Variants in FAM185A observed in about 807,000 individuals in gnomAD.
FAM185A encodes the protein family with sequence similarity 185 member A.
FAM185A carries 21 observed loss-of-function variants against 45.7 expected under a neutral mutation model. That is an observed-to-expected ratio of 0.46 (90% CI 0.33 to 0.66). The LOEUF (loss-of-function observed/expected upper bound fraction) is 0.66. Among genes scored for constraint, FAM185A ranks in the 30% least tolerant of loss-of-function variants. The probability of loss-of-function intolerance (pLI) is 0.03; values close to 1 mark genes in which losing one functional copy is unlikely to be tolerated. For synonymous variants in FAM185A, 117 were observed against 194.0 expected (o/e 0.60, Z 3.30); for missense variants, 305 against 485.4 (o/e 0.63, Z 3.49).
At chr7:102,802,878 A>G (rs369587590) in intron 7 of FAM185A, among the ~76,000 whole-genome samples, 2 of 152,136 alleles carry the variant, frequency 1.3e-5, no homozygotes, top group African/African-American at 4.8e-5. Context: ...CAGAAATACA[A>G]AAGATCATTC....
At position 102,808,324 on chromosome 7, in the gene FAM185A, G is replaced by A; in HGVS notation, c.1101G>A (p.Trp367Ter). ...LMNQASKREKWIKADAPKGTV... is the reference protein window; with the variant it reads ...LMNQASKREK ...ATCAAGCAAGCAAACGTGAAAAATG[G>A]ATTAAGGCTGATGCCCCAAAAGGCA... Residue 367 changes from tryptophan (W) to a stop codon, truncating the protein, a stop_gained, in exon 8 of 8, where the codon TGG (tryptophan) becomes TGA (stop). Coordinates refer to ENST00000413034, the MANE Select transcript of FAM185A (RefSeq NM_001145268.2). LOFTEE classifies it high-confidence loss of function. 6.4e-7 allele frequency: 1 copy of A among 1,551,840 alleles called. No homozygotes were observed. Among genetic ancestry groups the A allele is most frequent in the Non-Finnish European group, 8.7e-7 (1 of 1,147,004 alleles).
the FAM185A span, among the ~76,000 whole-genome samples, chr7:102,818,265 G>A: frequency 1.2e-4 from 18 of 152,180 alleles, no homozygotes; most frequent in Non-Finnish European, 2.2e-4. Flanking sequence ...TTAAAAGCTT[G>A]AGAATGTAAT....
intron 6 of FAM185A, among the ~76,000 whole-genome samples, chr7:102,778,648 T>C (rs1191327088): frequency 6.6e-6 from 1 of 152,194 alleles, no homozygotes; most frequent in East Asian, 1.9e-4. Flanking sequence ...TATTTGAAAC[T>C]ATTGAAATAG....
At chr7:102,793,543 T>C (rs192206718) in intron 7 of FAM185A, among the ~76,000 whole-genome samples, 3 of 152,094 alleles carry the variant, frequency 2.0e-5, no homozygotes, top group African/African-American at 7.2e-5. Flanking sequence ...CACCTTTTTG[T>C]TAAAGAATAA....
chr7:102,813,084 C>T, downstream of FAM185A: 1 of 304,338 alleles, frequency 3.3e-6, no homozygotes, highest in Non-Finnish European at 6.0e-6. Flanking sequence ...TTATGGTCCA[C>T]CCGCCTTGGC....
chr7:102,795,227 T>A (rs1796377776), intron 7 of FAM185A, among the ~76,000 whole-genome samples: 1 of 152,170 alleles, frequency 6.6e-6, no homozygotes, highest in Non-Finnish European at 1.5e-5. Flanking sequence ...AATTTCCTGG[T>A]TTTGATAGTG....
At chr7:102,821,687 A>G in the FAM185A span, among the ~76,000 whole-genome samples, 1 of 152,188 alleles carries the variant, frequency 6.6e-6, no homozygotes, top group Non-Finnish European at 1.5e-5. Flanking sequence ...CAAGAGGCAA[A>G]AACTTGTGAG....
the FAM185A span, among the ~76,000 whole-genome samples, chr7:102,821,456 A>G: frequency 6.6e-6 from 1 of 152,220 alleles, no homozygotes; most frequent in Non-Finnish European, 1.5e-5. Flanking sequence ...AGCTCATGCC[A>G]TAACTACTTA....
chr7:102,834,060 GGAAGGAAGGAAGGAAGGAAGGAAA>G, the FAM185A span, among the ~76,000 whole-genome samples: 6 of 111,994 alleles, frequency 5.4e-5, no homozygotes, highest in Non-Finnish European at 8.7e-5. Flanking sequence ...AAGGAAGGAA[GGAAGGAAGGAAGGAAGGAAGGAAA>G]GAAAAGAAAG....
chr7:102,789,937 A>G (rs1262923051), intron 7 of FAM185A, among the ~76,000 whole-genome samples: 1 of 152,228 alleles, frequency 6.6e-6, no homozygotes, highest in Non-Finnish European at 1.5e-5. Context: ...AAAGAATGTC[A>G]GTATCACTTT....
At chr7:102,827,960 G>C in the FAM185A span, among the ~76,000 whole-genome samples, 2 of 152,264 alleles carry the variant, frequency 1.3e-5, no homozygotes, top group African/African-American at 4.8e-5. Context: ...TTTGGTACCA[G>C]TACCATGCTG....
At position 102,752,577 on chromosome 7, in the gene FAM185A, ATTTT is replaced by A. The variant is rs59425139; in HGVS notation, c.561+790_561+793del. ...GAGCCACTGCGTCCGGCTGTAATTA[ATTTT>A]TTTTTTTTTTTTTAGTGTTTTCTTT... On this transcript the variant is annotated intron_variant, in intron 2 of 7. Transcript: ENST00000413034. Among the ~76,000 whole-genome samples, 213 of 140,280 alleles carry A rather than the reference ATTTT, an allele frequency of 1.5e-3. 2 individuals carry two copies. The highest frequency in any genetic ancestry group is 2.2e-3 in the Non-Finnish European group (141 of 64,018). 92.0% of individuals were successfully genotyped at this position (140,280 alleles called of 152,430 possible).
chr7:102,809,661 C>T (rs1253620238), downstream of FAM185A, among the ~76,000 whole-genome samples: 1 of 152,168 alleles, frequency 6.6e-6, no homozygotes, highest in East Asian at 1.9e-4. Flanking sequence ...GAGATCACAC[C>T]ACTTTACTCC....
the FAM185A span, among the ~76,000 whole-genome samples, chr7:102,836,860 C>G: frequency 4.6e-5 from 7 of 152,324 alleles, no homozygotes; most frequent in East Asian, 1.2e-3. Flanking sequence ...AGCTTCTAGC[C>G]TTAGAAAAGC....
chr7:102,836,062 G>C, the FAM185A span, among the ~76,000 whole-genome samples: 1 of 152,178 alleles, frequency 6.6e-6, no homozygotes, highest in Non-Finnish European at 1.5e-5. Context: ...GAGATTCAAG[G>C]CTCTTCGTGT....
rs1392558779 is a variant in FAM185A, at chr7:102,749,001, A to C, written c.-207A>C. The C allele has an allele frequency of 3.7e-6, 3 of 805,996 alleles. No individual in the cohort carries two copies. The highest frequency in any genetic ancestry group is 2.0e-5 in the Admixed American group (1 of 50,030). 49.9% of individuals were successfully genotyped at this position (805,996 alleles called of 1,614,324 possible). A position where few individuals can be genotyped will look rare whatever the true frequency, so the allele number is the denominator to read the frequency against. ...GCAAGGGGTCCAGGTCAGAGTTTAG[A>C]GCTTTCAAATCCCAACTTGCCCCTG... is the stretch of plus-strand genomic sequence containing the variant. On this transcript the variant is annotated 5_prime_UTR_variant, in exon 1 of 8. Transcript: ENST00000413034.
chr7:102,812,336 G>C (rs939782083), downstream of FAM185A, among the ~76,000 whole-genome samples: 1 of 152,182 alleles, frequency 6.6e-6, no homozygotes, highest in Non-Finnish European at 1.5e-5. Context: ...AATTGAGGGA[G>C]CATCTTTTTT....
intron 6 of FAM185A, among the ~76,000 whole-genome samples, chr7:102,783,948 A>G (rs1020342673): frequency 6.6e-6 from 1 of 152,236 alleles, no homozygotes. Context: ...AAGACTAATT[A>G]AGAAGAAAAG....
chr7:102,813,434 C>G (rs1562888575), downstream of FAM185A: 4 of 1,614,172 alleles, frequency 2.5e-6, no homozygotes, highest in Non-Finnish European at 3.4e-6. Context: ...AGCTCTGTAA[C>G]AGGGTTTCCT....
Sources: allele counts gnomAD v4.1 joint callset (sites outside exome capture counted in the v4.1 genomes callset), GRCh38; gene constraint gnomAD v4.1.1; transcripts MANE v1.5; gene names NCBI Gene and HGNC (gene_info 2026-07-23, HGNC 2026-07-21).